Variants in AGBL4 observed in about 807,000 individuals in gnomAD.
AGBL4 encodes AGBL carboxypeptidase 4.
AGBL4 carries 58 observed loss-of-function variants against 66.4 expected under a neutral mutation model. That is an observed-to-expected ratio of 0.87 (90% CI 0.71 to 1.09). The LOEUF is 1.09. Among genes scored for constraint, AGBL4 ranks in the 50% least tolerant of loss-of-function variants. AGBL4 has a pLI of 0.00. For missense variants in AGBL4, 579 were observed against 631.0 expected, an observed-to-expected ratio of 0.92 and a Z score of 0.88; for synonymous variants, 234 against 222.9, an observed-to-expected ratio of 1.05 and a Z score of -0.44.
intron 3 of AGBL4, among the ~76,000 whole-genome samples, chr1:49,454,193 T>C (rs1570754321): frequency 6.6e-6 from 1 of 151,728 alleles, no homozygotes; most frequent in African/African-American, 2.4e-5. Context: ...TTCCATAACC[T>C]GAGGAAAAAG....
chr1:49,010,729 A>G lies in AGBL4; in HGVS notation c.594+34855T>C, dbSNP rs1328015869. Among the ~76,000 whole-genome samples the G allele has an allele frequency of 7.8e-4, 117 of 150,868 alleles. 1 individual carries two copies. The highest frequency in any genetic ancestry group is 2.8e-3 in the African/African-American group (113 of 40,628). On this transcript the variant is annotated intron_variant, in intron 5 of 13. Transcript: ENST00000371839. Reference sequence around the variant, plus strand: ...AGAGCCCTCAGAAATAACGCCGCATATCTACAACTATCTGATCTTTGACAA... The same window carrying G: ...AGAGCCCTCAGAAATAACGCCGCATGTCTACAACTATCTGATCTTTGACAA...
intron 3 of AGBL4, among the ~76,000 whole-genome samples, chr1:49,356,046 C>T (rs1282740489): frequency 6.6e-6 from 1 of 152,132 alleles, no homozygotes; most frequent in African/African-American, 2.4e-5. Flanking sequence ...ATGCTTCCTA[C>T]ATCTTTGGAA....
chr1:49,427,992 T>C (rs1466258025), intron 3 of AGBL4, among the ~76,000 whole-genome samples: 1 of 152,132 alleles, frequency 6.6e-6, no homozygotes, highest in African/African-American at 2.4e-5. Flanking sequence ...AGAGTGCTGA[T>C]TGGTGCGTTT....
intron 11 of AGBL4, among the ~76,000 whole-genome samples, chr1:48,576,571 C>G (rs1644656953): frequency 6.6e-6 from 1 of 152,094 alleles, no homozygotes; most frequent in Non-Finnish European, 1.5e-5. Flanking sequence ...GCACAGAGTC[C>G]TCTGTTTTGG....
intron 2 of AGBL4, among the ~76,000 whole-genome samples, chr1:49,702,534 C>CA (rs911373229): frequency 6.6e-6 from 1 of 151,302 alleles, no homozygotes; most frequent in East Asian, 1.9e-4. Flanking sequence ...AAACTCTTGC[C>CA]AAAAAAAATT....
chr1:49,983,878 C>T (rs997692684), intron 1 of AGBL4, among the ~76,000 whole-genome samples: 1 of 152,192 alleles, frequency 6.6e-6, no homozygotes, highest in African/African-American at 2.4e-5. Flanking sequence ...GCCCAGGAGA[C>T]CCCAGAAAAA....
At chr1:49,253,060 C>A (rs1652195387) in intron 3 of AGBL4, among the ~76,000 whole-genome samples, 1 of 152,072 alleles carries the variant, frequency 6.6e-6, no homozygotes, top group Admixed American at 6.6e-5. Flanking sequence ...CATATCAATA[C>A]TAACTTTAAA....
At chr1:49,075,186 G>A (rs1183916029) in intron 4 of AGBL4, among the ~76,000 whole-genome samples, 1 of 151,986 alleles carries the variant, frequency 6.6e-6, no homozygotes, top group Non-Finnish European at 1.5e-5. Flanking sequence ...TAAATTTGAG[G>A]TGACTCACAG....
chr1:48,820,529 G>C (rs114092877), intron 6 of AGBL4, among the ~76,000 whole-genome samples: 3,850 of 152,190 alleles, frequency 0.025, 148 homozygotes, highest in African/African-American at 0.089. Context: ...TTGAAAGTCT[G>C]AATACAACAA....
At chr1:48,971,797 T>A (rs1049023001) in intron 5 of AGBL4, among the ~76,000 whole-genome samples, 5 of 152,188 alleles carry the variant, frequency 3.3e-5, no homozygotes, top group Admixed American at 2.6e-4. Context: ...TTACTGTACA[T>A]AAACCTCAAA....
intron 3 of AGBL4, among the ~76,000 whole-genome samples, chr1:49,304,541 T>C (rs967190840): frequency 6.6e-6 from 1 of 152,040 alleles, no homozygotes; most frequent in African/African-American, 2.4e-5. Flanking sequence ...AGGGGAGAGA[T>C]CTAGAGGTCA....
chr1:49,826,044 CTAT>C (rs1645501663), intron 2 of AGBL4, among the ~76,000 whole-genome samples: 1 of 151,988 alleles, frequency 6.6e-6, no homozygotes, highest in East Asian at 1.9e-4. Context: ...ACTTTAAACA[CTAT>C]TATATTAAAA....
At chr1:49,383,021 G>T (rs1173322369) in intron 3 of AGBL4, among the ~76,000 whole-genome samples, 2 of 152,012 alleles carry the variant, frequency 1.3e-5, no homozygotes, top group Admixed American at 1.3e-4. Context: ...ATCCAAAATG[G>T]AATTTAAGAT....
At chr1:48,666,559 A>C (rs565548111) in intron 6 of AGBL4, among the ~76,000 whole-genome samples, 2 of 152,336 alleles carry the variant, frequency 1.3e-5, no homozygotes, top group African/African-American at 4.8e-5. Context: ...CACCTTTGTC[A>C]CTATAACCCT....
intron 2 of AGBL4, among the ~76,000 whole-genome samples, chr1:49,830,755 T>C (rs151244740): frequency 3.3e-5 from 5 of 152,340 alleles, no homozygotes; most frequent in East Asian, 1.9e-4. Flanking sequence ...TACATTTAAG[T>C]CTTTAATCCT....
At chr1:49,074,414 TC>T (rs1644671817) in intron 4 of AGBL4, among the ~76,000 whole-genome samples, 1 of 152,082 alleles carries the variant, frequency 6.6e-6, no homozygotes, top group African/African-American at 2.4e-5. Context: ...GTCCAACCAG[TC>T]CCAATGAGAT....
Position 48,641,764 on chromosome 1 carries a change from C to T in AGBL4, c.840-7160G>A, listed in dbSNP as rs142922076. Among the ~76,000 whole-genome samples, 7 of 152,210 alleles carry T rather than the reference C, an allele frequency of 4.6e-5. No homozygotes were observed. The East Asian group carries it at 1.4e-3, about 29-fold the overall frequency. ...GTCCAGCAAGGACAAGTGACAGAGG[C>T]AGAGCTTGAACCCAGTCTGCCCAAC... is the stretch of plus-strand genomic sequence containing the variant. On this transcript the variant is annotated intron_variant, in intron 8 of 13. Coordinates refer to ENST00000371839, the MANE Select transcript of AGBL4 (RefSeq NM_032785.4).
intron 3 of AGBL4, among the ~76,000 whole-genome samples, chr1:49,258,750 G>A (rs1430607820): frequency 6.6e-6 from 1 of 152,190 alleles, no homozygotes; most frequent in African/African-American, 2.4e-5. Flanking sequence ...TTATCCAGGA[G>A]AACTTCCCCA....
chr1:48,862,590 G>A lies in AGBL4; in HGVS notation c.634+4601C>T, dbSNP rs1387629468. On this transcript the variant is annotated intron_variant, in intron 6 of 13. Coordinates refer to ENST00000371839, the MANE Select transcript of AGBL4 (RefSeq NM_032785.4). ...CCTGCCTCAGCCTCCCAGTGTGCTG[G>A]GATTACAGGTGTGAGCCACTGTGCC... Among the ~76,000 whole-genome samples the A allele has an allele frequency of 5.3e-5, 8 of 152,242 alleles. No individual in the cohort carries two copies. In the East Asian group the frequency reaches 1.3e-3, roughly 26 times the overall value.
Sources: gnomAD v4.1 joint callset for allele counts (sites outside exome capture counted in the v4.1 genomes callset) on GRCh38, gnomAD v4.1.1 for gene constraint, MANE v1.5 for transcripts, NCBI Gene and HGNC (gene_info 2026-07-23, HGNC 2026-07-21) for gene names.